ADD3: variants seen among roughly 807,000 people sequenced by gnomAD.
The protein encoded by ADD3 is gamma-adducin.
Under a neutral mutation model 80.2 loss-of-function variants are expected in ADD3, and 25 were observed. That is an observed-to-expected ratio of 0.31 (90% CI 0.23 to 0.44). ADD3 has a LOEUF of 0.44. Ranked by LOEUF, ADD3 falls within the 20% of genes least tolerant of loss-of-function variation. ADD3 has a pLI of 1.00. For synonymous variants in ADD3, 284 were observed against 289.6 expected, an observed-to-expected ratio of 0.98 and a Z score of 0.20; for missense variants, 829 against 847.5, an observed-to-expected ratio of 0.98 and a Z score of 0.27.
At chr10:110,101,296 T>C (rs11194981) in intron 2 of ADD3, among the ~76,000 whole-genome samples, 42,868 of 151,824 alleles carry the variant, frequency 0.28, 8,943 homozygotes, top group African/African-American at 0.58. Flanking sequence ...ATTACATATG[T>C]CTACTGCAAG....
intron 1 of ADD3, among the ~76,000 whole-genome samples, chr10:110,069,706 CTT>C (rs1458669991): frequency 6.6e-6 from 1 of 152,092 alleles, no homozygotes; most frequent in Middle Eastern, 3.2e-3. Flanking sequence ...TCTTATGCCT[CTT>C]TTCATGGTGA....
At chr10:110,055,476 T>A (rs999743221) in intron 1 of ADD3, among the ~76,000 whole-genome samples, 1 of 152,226 alleles carries the variant, frequency 6.6e-6, no homozygotes, top group African/African-American at 2.4e-5. Context: ...CATAAGTTAT[T>A]TGGCAATGGT....
At chr10:110,109,649 T>C (rs546524370) in intron 2 of ADD3, among the ~76,000 whole-genome samples, 4 of 152,240 alleles carry the variant, frequency 2.6e-5, no homozygotes, top group Admixed American at 2.6e-4. Context: ...CTGAGAAAAG[T>C]TTAAATAGTT....
Position 110,125,888 on chromosome 10 carries a change from A to G in ADD3, c.1464A>G (p.Pro488=), listed in dbSNP as rs758289418. The G allele has an allele frequency of 6.2e-7, 1 of 1,610,954 alleles. No homozygotes were observed. The highest frequency in any genetic ancestry group is 8.5e-7 in the Non-Finnish European group (1 of 1,177,746). Residue 488 remains proline, a synonymous_variant, in exon 11 of 15, where the codon CCA becomes CCG. Transcript: ENST00000356080. ...SGGTPIKIED[P]NQFVPLNTNP... ...GAACACCTATCAAAATTGAAGATCC[A>G]AATCAGTTTGTTCCTTTAAACACAA... is the stretch of plus-strand genomic sequence containing the variant.
intron 1 of ADD3, among the ~76,000 whole-genome samples, chr10:110,079,449 AGAGAGAGAGAGAGTGTGTGTGT>A (rs1203464758): frequency 3.5e-4 from 46 of 132,486 alleles, no homozygotes; most frequent in African/African-American, 1.5e-3. Context: ...AGAGAGAGAG[AGAGAGAGAGAGAGTGTGTGTGT>A]GTGTGTGTGT....
chr10:110,074,348 A>G (rs1447074230), intron 1 of ADD3, among the ~76,000 whole-genome samples: 1 of 152,174 alleles, frequency 6.6e-6, no homozygotes, highest in Non-Finnish European at 1.5e-5. Flanking sequence ...AGCTTATGGA[A>G]TGTTTCATTC....
At chr10:110,035,198 C>T (rs1005643157) in intron 1 of ADD3, among the ~76,000 whole-genome samples, 1 of 152,074 alleles carries the variant, frequency 6.6e-6, no homozygotes, top group African/African-American at 2.4e-5. Flanking sequence ...ACGTTTTGTC[C>T]TTAGGGTTTC....
chr10:110,084,974 T>C (rs961666610), intron 1 of ADD3, among the ~76,000 whole-genome samples: 4 of 152,222 alleles, frequency 2.6e-5, no homozygotes, highest in East Asian at 1.9e-4. Context: ...TCACTTTTTA[T>C]TGAGAGTTCA....
At chr10:110,098,845 G>A (rs1427546297) in intron 1 of ADD3, among the ~76,000 whole-genome samples, 1 of 151,954 alleles carries the variant, frequency 6.6e-6, no homozygotes, top group East Asian at 1.9e-4. Context: ...TGGCCAGGCT[G>A]GTCTCGAACT....
At chr10:110,025,901 T>G (rs1314580872) in intron 1 of ADD3, among the ~76,000 whole-genome samples, 2 of 152,172 alleles carry the variant, frequency 1.3e-5, no homozygotes, top group African/African-American at 4.8e-5. Context: ...TTTCAAGATA[T>G]CTGTTTTTCC....
chr10:110,118,317 G>A (rs921716814), intron 5 of ADD3, among the ~76,000 whole-genome samples: 21 of 152,144 alleles, frequency 1.4e-4, no homozygotes, highest in African/African-American at 4.6e-4. Flanking sequence ...CTTGGAAACT[G>A]TACTTCTTGC....
chr10:110,096,672 G>A (rs757266242), intron 1 of ADD3, among the ~76,000 whole-genome samples: 1 of 152,032 alleles, frequency 6.6e-6, no homozygotes, highest in Non-Finnish European at 1.5e-5. Flanking sequence ...GCTTCTTCAT[G>A]GTGTGGCAGC....
At chr10:109,997,266 T>G (rs1036808978) in intron 1 of ADD3, among the ~76,000 whole-genome samples, 2 of 152,214 alleles carry the variant, frequency 1.3e-5, no homozygotes, top group Non-Finnish European at 2.9e-5. Flanking sequence ...GAAGAGATTA[T>G]CTGTTTGATT....
chr10:110,014,898 G>A (rs1488883530), intron 1 of ADD3, among the ~76,000 whole-genome samples: 2 of 150,272 alleles, frequency 1.3e-5, no homozygotes, highest in African/African-American at 2.5e-5. Flanking sequence ...TTTTTGAGAC[G>A]GAGTCTCGCA....
chr10:110,040,091 T>TTC, intron 1 of ADD3, among the ~76,000 whole-genome samples: 1 of 152,228 alleles, frequency 6.6e-6, no homozygotes, highest in Non-Finnish European at 1.5e-5. Flanking sequence ...TGGTTGTGAA[T>TTC]ACCAGGAGGA....
chr10:110,093,583 C>T (rs752968357), intron 1 of ADD3, among the ~76,000 whole-genome samples: 5 of 152,156 alleles, frequency 3.3e-5, no homozygotes, highest in African/African-American at 9.7e-5. Context: ...CAATAGCCAA[C>T]GTAGTCTCCT....
chr10:110,004,438 G>A (rs1387125663), upstream of ADD3, among the ~76,000 whole-genome samples: 1 of 152,008 alleles, frequency 6.6e-6, no homozygotes, highest in East Asian at 1.9e-4. Flanking sequence ...CAGGAGAATC[G>A]CCTGAACCTG....
At chr10:110,036,121 A>T (rs1855611003) in intron 1 of ADD3, among the ~76,000 whole-genome samples, 1 of 152,082 alleles carries the variant, frequency 6.6e-6, no homozygotes, top group African/African-American at 2.4e-5. Flanking sequence ...ACTGCACTCC[A>T]GCGTGGGCAA....
At chr10:110,077,861 T>A (rs894546017) in intron 1 of ADD3, among the ~76,000 whole-genome samples, 3 of 152,186 alleles carry the variant, frequency 2.0e-5, no homozygotes, top group Non-Finnish European at 2.9e-5. Flanking sequence ...CTTTGGAGTG[T>A]TTAATTATTC....
Sources: gnomAD v4.1 joint callset for allele counts (sites outside exome capture counted in the v4.1 genomes callset) on GRCh38, gnomAD v4.1.1 for gene constraint, MANE v1.5 for transcripts, NCBI Gene and HGNC (gene_info 2026-07-23, HGNC 2026-07-21) for gene names.